The following PPP2R5B variants were observed in gnomAD, a reference collection of about 807,000 sequenced individuals.
PPP2R5B encodes protein phosphatase 2 regulatory subunit B'beta, also known as serine/threonine-protein phosphatase 2A 56 kDa regulatory subunit beta isoform.
PPP2R5B carries 19 observed loss-of-function variants against 59.9 expected under a neutral mutation model. The observed-to-expected ratio is 0.32, with a 90% confidence interval of 0.22 to 0.47. PPP2R5B has a LOEUF of 0.47. Ranked by LOEUF, PPP2R5B falls within the 20% of genes least tolerant of loss-of-function variation. The pLI is 1.00. For synonymous variants in PPP2R5B, 286 were observed against 260.5 expected, an observed-to-expected ratio of 1.10 and a Z score of -0.94; for missense variants, 441 against 640.2, an observed-to-expected ratio of 0.69 and a Z score of 3.36.
chr11:64,928,228 G>C, intron 5 of PPP2R5B, 67 bp from the exon 6 acceptor site: 1 of 1,613,320 alleles, frequency 6.2e-7, no homozygotes, highest in Non-Finnish European at 8.5e-7. Flanking sequence ...CCAGGGATAG[G>C]ATGGAAGCAA....
chr11:64,932,941 G>T, intron 12 of PPP2R5B, 49 bp downstream of exon 12: 1 of 1,610,128 alleles, frequency 6.2e-7, no homozygotes, highest in Non-Finnish European at 8.5e-7. Flanking sequence ...ACCAGGGCCA[G>T]CCAGTCCAGA....
intron 2 of PPP2R5B, 92 bp from the exon 3 acceptor site, chr11:64,926,620 G>A: frequency 7.1e-7 from 1 of 1,405,822 alleles, no homozygotes; most frequent in South Asian, 1.3e-5. Context: ...GGCAGCAGAG[G>A]CAGCCGTGGA....
At position 64,931,087 on chromosome 11, in the gene PPP2R5B, C is replaced by T. The variant is rs778649167; in HGVS notation, c.892-349C>T. ...GTAGAGACAGTGTCTTGCTATGTTA[C>T]CTAGGCTGGTCTCAAACTCCCAGGC... is the stretch of plus-strand genomic sequence containing the variant. On this transcript the variant is annotated intron_variant, in intron 8 of 13. Coordinates refer to ENST00000164133, the MANE Select transcript of PPP2R5B (RefSeq NM_006244.4). The surrounding 1 kb of genome is among the most constrained non-coding windows in gnomAD (Gnocchi z 5.0). 5.3e-5 allele frequency among the ~76,000 whole-genome samples: 8 copies of T among 152,006 alleles called. No individual in the cohort carries two copies. Among genetic ancestry groups the T allele is most frequent in the Non-Finnish European group, 1.2e-4 (8 of 68,012 alleles).
At chr11:64,933,007 G>A in intron 12 of PPP2R5B, 115 bp downstream of exon 12, 1 of 1,530,618 alleles carries the variant, frequency 6.5e-7, no homozygotes, top group Non-Finnish European at 9.0e-7. Context: ...TCAAAAGATG[G>A]CCCAGGGGTG....
At chr11:64,926,328 GCCTGA>G (rs1945163937) in intron 2 of PPP2R5B, among the ~76,000 whole-genome samples, 2 of 152,368 alleles carry the variant, frequency 1.3e-5, no homozygotes, top group South Asian at 4.1e-4. Flanking sequence ...GACTGGCCAA[GCCTGA>G]GGACACCGTA....
Position 64,924,879 on chromosome 11 carries a change from GC to G in PPP2R5B, c.-407del, listed in dbSNP as rs542076719. 14 of 152,284 alleles carry G rather than the reference GC, an allele frequency of 9.2e-5. No homozygotes were observed. Among genetic ancestry groups the G allele is most frequent in the Non-Finnish European group, 8.8e-5 (6 of 68,128 alleles). The allele number at this position is 152,284 out of a possible 1,614,324, so 9.4% of individuals were successfully genotyped here. ...GCTGAGTTGGGGGCATGCTCTAGCC[GC>G]CCCCCCGGAGCCCGGGAGAGAACCC... is the stretch of plus-strand genomic sequence containing the variant. On this transcript the variant is annotated 5_prime_UTR_variant, in exon 1 of 14. Coordinates refer to ENST00000164133, the MANE Select transcript of PPP2R5B (RefSeq NM_006244.4).
At chr11:64,918,521 G>A (rs1945069007) in intron 1 of PPP2R5B, among the ~76,000 whole-genome samples, 1 of 152,150 alleles carries the variant, frequency 6.6e-6, no homozygotes, top group African/African-American at 2.4e-5. Context: ...ACCGCACCCA[G>A]CTAATTACCG....
chr11:64,929,651 G>A (rs540878072), intron 6 of PPP2R5B, among the ~76,000 whole-genome samples: 1 of 152,316 alleles, frequency 6.6e-6, no homozygotes, highest in South Asian at 2.1e-4. Context: ...GCTTGAGCCT[G>A]GGAGGTGGAG....
rs573341808 is a variant in PPP2R5B, at chr11:64,925,662, G to A, written c.-73G>A. On this transcript the variant is annotated 5_prime_UTR_variant, in exon 2 of 14. Transcript: ENST00000164133. This position sits in a 1 kb window ranked among gnomAD's most constrained non-coding sequence, Gnocchi z 4.6. ...GGATGGGACCAAGTTAGTCTGTCCA[G>A]TCTCACCCAGCACCTCCCAGGCCCA... 7 of 755,008 alleles carry A rather than the reference G, an allele frequency of 9.3e-6. No homozygotes were observed. In the South Asian group the frequency reaches 1.1e-4, roughly 12 times the overall value. 46.8% of individuals were successfully genotyped at this position (755,008 alleles called of 1,614,324 possible). A position where few individuals can be genotyped will look rare whatever the true frequency, so the allele number is the denominator to read the frequency against.
At position 64,926,704 on chromosome 11, in the gene PPP2R5B, C is replaced by T. The variant is rs775137813; in HGVS notation, c.200-8C>T. On this transcript the variant is annotated splice_region_variant and splice_polypyrimidine_tract_variant and intron_variant, in intron 2 of 13. Transcript: ENST00000164133. ...GGGCCCAGGCCCAGGATGCCCTCTC[C>T]TCCCCAGATGTGCCGGCTTCCGAGC... is the stretch of plus-strand genomic sequence containing the variant. 1.2e-6 allele frequency: 2 copies of T among 1,613,096 alleles called. No homozygotes were observed. The highest frequency in any genetic ancestry group is 1.1e-5 in the South Asian group (1 of 91,056).
At chr11:64,918,975 A>T (rs1316804796) in intron 1 of PPP2R5B, among the ~76,000 whole-genome samples, 1 of 152,148 alleles carries the variant, frequency 6.6e-6, no homozygotes, top group Non-Finnish European at 1.5e-5. Flanking sequence ...TGGGTTAGTA[A>T]GTGGAGATAG....
At chr11:64,933,307 T>C (rs1192621712) in intron 13 of PPP2R5B, 61 bp downstream of exon 13, 1 of 1,426,412 alleles carries the variant, frequency 7.0e-7, no homozygotes, top group African/African-American at 1.4e-5. Flanking sequence ...CAGACCCCCA[T>C]GGCTGGAGGG....
upstream of PPP2R5B, chr11:64,922,904 C>T (rs1945123443): frequency 1.3e-5 from 2 of 151,664 alleles, no homozygotes; most frequent in Admixed American, 1.3e-4. Flanking sequence ...TTTTTTCTTC[C>T]AAGAGTCTTA....
chr11:64,928,509 G>T (rs1945193366), intron 6 of PPP2R5B, 84 bp downstream of exon 6: 37 of 1,583,384 alleles, frequency 2.3e-5, no homozygotes, highest in Non-Finnish European at 3.2e-5. Flanking sequence ...ATGTGCGGTG[G>T]CTCACACCTG....
At chr11:64,917,764 C>T (rs997913550) in intron 1 of PPP2R5B, 4 of 152,148 alleles carry the variant, frequency 2.6e-5, no homozygotes, top group African/African-American at 7.2e-5. Context: ...GATTAAGATA[C>T]GAGAAAGACC....
chr11:64,922,684 C>G (rs969572149), upstream of PPP2R5B, among the ~76,000 whole-genome samples: 1 of 151,974 alleles, frequency 6.6e-6, no homozygotes, highest in African/African-American at 2.4e-5. Context: ...ACCATCCTGG[C>G]TAACACGGTG....
chr11:64,928,519 G>A (rs1181120118), intron 6 of PPP2R5B, 94 bp downstream of exon 6: 32 of 1,564,090 alleles, frequency 2.0e-5, no homozygotes, highest in African/African-American at 4.1e-5. Context: ...GCTCACACCT[G>A]TAATCCCAGC....
chr11:64,920,690 C>T (rs960817621), upstream of PPP2R5B, among the ~76,000 whole-genome samples: 2 of 146,842 alleles, frequency 1.4e-5, no homozygotes, highest in East Asian at 2.0e-4. Flanking sequence ...AGTGCAGTGG[C>T]GCGATCTCAG....
chr11:64,930,170 T>G, intron 6 of PPP2R5B, 152 bp from the exon 7 acceptor site: 1 of 812,110 alleles, frequency 1.2e-6, no homozygotes, highest in Non-Finnish European at 2.0e-6. Flanking sequence ...CAATGGGGCC[T>G]GGTTTGGGAT....
Sources: allele counts gnomAD v4.1 joint callset (sites outside exome capture counted in the v4.1 genomes callset), GRCh38; gene constraint gnomAD v4.1.1; non-coding constraint Gnocchi (gnomAD v3.1); transcripts MANE v1.5; gene names NCBI Gene and HGNC (gene_info 2026-07-23, HGNC 2026-07-21).